PDE4B: variants seen among roughly 807,000 people sequenced by gnomAD.
PDE4B encodes the protein 3',5'-cyclic-AMP phosphodiesterase 4B.
In PDE4B, 20 loss-of-function variants were observed where a neutral mutation model predicts 82.2. The ratio of observed to expected loss-of-function variants is 0.24; its 90% CI spans 0.17 to 0.35. PDE4B has a LOEUF of 0.35. PDE4B is among the 10% of genes least tolerant of loss of function. The pLI is 1.00. For synonymous variants in PDE4B, 320 were observed against 318.9 expected (o/e 1.00, Z -0.04); for missense variants, 655 against 907.2 (o/e 0.72, Z 3.57).
chr1:66,001,674 G>C (rs1234945545), intron 3 of PDE4B, among the ~76,000 whole-genome samples: 3 of 152,084 alleles, frequency 2.0e-5, no homozygotes, highest in African/African-American at 7.2e-5. Flanking sequence ...AAATATCTTA[G>C]AGTGGCATTG....
intron 3 of PDE4B, among the ~76,000 whole-genome samples, chr1:66,180,040 T>A (rs900306568): frequency 2.4e-4 from 36 of 152,228 alleles, no homozygotes; most frequent in Admixed American, 2.4e-3. Flanking sequence ...TGGATTCATT[T>A]AACATTTTTC....
rs146529522 is a variant in PDE4B, at chr1:65,910,341, A to G, written c.-70-2904A>G. Among the ~76,000 whole-genome samples, 373 of 152,334 alleles carry G rather than the reference A, an allele frequency of 2.4e-3. 2 individuals carry two copies. The highest frequency in any genetic ancestry group is 8.1e-3 in the African/African-American group (335 of 41,582). On this transcript the variant is annotated intron_variant, in intron 1 of 16. Coordinates refer to ENST00000341517, the MANE Select transcript of PDE4B (RefSeq NM_002600.4). Reference sequence around the variant, plus strand: ...ATGCTTGCCGACCTTTTCTCAAAGTATCAAAACCAATCTAGATCTCCAAGT... The same window carrying G: ...ATGCTTGCCGACCTTTTCTCAAAGTGTCAAAACCAATCTAGATCTCCAAGT...
intron 3 of PDE4B, among the ~76,000 whole-genome samples, chr1:66,069,190 G>C (rs114007948): frequency 1.2e-4 from 18 of 152,112 alleles, no homozygotes; most frequent in Non-Finnish European, 1.3e-4. Flanking sequence ...CATCAGCAAA[G>C]TCTGACCAAT....
chr1:66,348,167 A>G (rs1661551816), intron 8 of PDE4B, among the ~76,000 whole-genome samples: 1 of 152,216 alleles, frequency 6.6e-6, no homozygotes, highest in African/African-American at 2.4e-5. Context: ...TTGGAATCAT[A>G]TTAATGCCCT....
intron 3 of PDE4B, among the ~76,000 whole-genome samples, chr1:66,140,523 CA>C (rs1360551081): frequency 2.0e-5 from 3 of 151,342 alleles, no homozygotes; most frequent in East Asian, 1.9e-4. Flanking sequence ...TGTACTATAC[CA>C]AAAAAAAGTA....
intron 3 of PDE4B, among the ~76,000 whole-genome samples, chr1:66,087,907 T>G (rs946257122): frequency 3.2e-4 from 47 of 148,510 alleles, no homozygotes; most frequent in African/African-American, 1.1e-3. Flanking sequence ...TTGGGAGATA[T>G]ACCTAATGCT....
chr1:65,814,963 C>T (rs1427508743), intron 1 of PDE4B, among the ~76,000 whole-genome samples: 1 of 151,716 alleles, frequency 6.6e-6, no homozygotes, highest in African/African-American at 2.4e-5. Context: ...CTTGGCTATG[C>T]AAAAATTATT....
intron 3 of PDE4B, among the ~76,000 whole-genome samples, chr1:66,052,135 A>G (rs955850072): frequency 1.3e-5 from 2 of 152,176 alleles, no homozygotes; most frequent in Non-Finnish European, 2.9e-5. Context: ...TTCAATTCAC[A>G]GTCTGATTTC....
intron 3 of PDE4B, among the ~76,000 whole-genome samples, chr1:66,227,806 A>G (rs961740404): frequency 2.6e-5 from 4 of 152,136 alleles, no homozygotes; most frequent in Admixed American, 1.3e-4. Flanking sequence ...CTCTTCTTTG[A>G]TGTCTGTCAT....
intron 7 of PDE4B, among the ~76,000 whole-genome samples, chr1:66,286,349 A>T (rs571753011): frequency 2.6e-5 from 4 of 152,258 alleles, no homozygotes; most frequent in Non-Finnish European, 5.9e-5. Flanking sequence ...TTCATCTTTT[A>T]TTTTGAAATG....
chr1:66,090,646 C>CGTGT (rs1644998490), intron 3 of PDE4B, among the ~76,000 whole-genome samples: 8 of 76,924 alleles, frequency 1.0e-4, no homozygotes, highest in African/African-American at 3.7e-4. Context: ...TGTGTATGTA[C>CGTGT]GTATATATAT....
intron 8 of PDE4B, among the ~76,000 whole-genome samples, chr1:66,336,881 T>C (rs1660562860): frequency 6.6e-6 from 1 of 152,164 alleles, no homozygotes; most frequent in Admixed American, 6.5e-5. Flanking sequence ...TTGCCAGTGC[T>C]CTTGGGTTTG....
chr1:65,793,032 C>T lies in PDE4B; in HGVS notation c.-287C>T, dbSNP rs1231538823. ...CCCTTCCCGGGGCTCCTGGCCTCGC[C>T]TCAGCGGCTGCAGGCTCTTCGTCGC... is the stretch of plus-strand genomic sequence containing the variant. On this transcript the variant is annotated 5_prime_UTR_variant, in exon 1 of 17. Transcript: ENST00000341517. 3 of 151,910 alleles carry T rather than the reference C, an allele frequency of 2.0e-5. No individual in the cohort carries two copies. The highest frequency in any genetic ancestry group is 2.9e-5 in the Non-Finnish European group (2 of 67,972). 9.4% of individuals were successfully genotyped at this position (151,910 alleles called of 1,614,324 possible). A position where few individuals can be genotyped will look rare whatever the true frequency, so the allele number is the denominator to read the frequency against.
intron 3 of PDE4B, among the ~76,000 whole-genome samples, chr1:66,175,603 C>A (rs971126711): frequency 3.3e-5 from 5 of 152,112 alleles, no homozygotes; most frequent in African/African-American, 4.8e-5. Flanking sequence ...AAAAAGTATT[C>A]TTTTTTGGGC....
intron 2 of PDE4B, among the ~76,000 whole-genome samples, chr1:65,914,331 G>A (rs879065640): frequency 1.3e-5 from 2 of 152,124 alleles, no homozygotes; most frequent in Admixed American, 1.3e-4. Context: ...AGTGCAGAGG[G>A]AGAGTTAGGT....
intron 3 of PDE4B, among the ~76,000 whole-genome samples, chr1:66,179,804 T>C (rs1172168265): frequency 6.6e-6 from 1 of 152,090 alleles, no homozygotes; most frequent in Non-Finnish European, 1.5e-5. Context: ...CCTCAGAGGG[T>C]GGGAATTTTA....
Position 65,968,509 on chromosome 1 carries a change from T to A in PDE4B, c.281+49674T>A, listed in dbSNP as rs1649971051. Among the ~76,000 whole-genome samples, 3 of 149,010 alleles carry A rather than the reference T, an allele frequency of 2.0e-5. No individual in the cohort carries two copies. In the South Asian group the frequency reaches 6.4e-4, roughly 32 times the overall value. On this transcript the variant is annotated intron_variant, in intron 3 of 16. Coordinates refer to ENST00000341517, the MANE Select transcript of PDE4B (RefSeq NM_002600.4). ...GGGTTGACTATAATTTTTTTTTTAA[T>A]TCACTCATTGTTTAAAGCAAGATCT...
At chr1:66,351,099 A>G (rs924012467) in intron 8 of PDE4B, among the ~76,000 whole-genome samples, 1 of 152,226 alleles carries the variant, frequency 6.6e-6, no homozygotes, top group African/African-American at 2.4e-5. Flanking sequence ...GTGTATGTGA[A>G]TCTAATGTTG....
At chr1:66,264,484 T>C (rs1654895310) in intron 6 of PDE4B, among the ~76,000 whole-genome samples, 1 of 152,170 alleles carries the variant, frequency 6.6e-6, no homozygotes, top group Admixed American at 6.5e-5. Flanking sequence ...GGGGTGATAA[T>C]ACTCCCAGTG....
Sources: allele counts gnomAD v4.1 joint callset (sites outside exome capture counted in the v4.1 genomes callset), GRCh38; gene constraint gnomAD v4.1.1; transcripts MANE v1.5; gene names NCBI Gene and HGNC (gene_info 2026-07-23, HGNC 2026-07-21).